Variants in TRIM54 observed in about 807,000 individuals in gnomAD.
The protein encoded by TRIM54 is tripartite motif containing 54.
TRIM54 carries 40 observed loss-of-function variants against 42.0 expected under a neutral mutation model. The observed-to-expected ratio is 0.95, with a 90% CI of 0.74 to 1.24. The LOEUF is 1.24. Among genes scored for constraint, TRIM54 ranks in the 50% most tolerant of loss-of-function variants. TRIM54 has a pLI of 0.00. For synonymous variants in TRIM54, 199 were observed against 194.9 expected, an observed-to-expected ratio of 1.02 and a Z score of -0.17; for missense variants, 485 against 480.3, an observed-to-expected ratio of 1.01 and a Z score of -0.09.
chr2:27,297,913 C>A (rs1346510460), intron 1 of TRIM54, among the ~76,000 whole-genome samples: 2 of 136,928 alleles, frequency 1.5e-5, no homozygotes, highest in Non-Finnish European at 3.1e-5. Flanking sequence ...CCCAGGAGGT[C>A]GAGGCTGCGG....
In TRIM54 at chr2:27,305,557, CCCTCATCCTTGCT is replaced by C; in HGVS notation, c.610-24_610-12del. ...AGCCACCGGGTCTCAGCCACGCCTT[CCCTCATCCTTGCT>C]CCCCATCTTTTAGGACAATAGCCGG... On this transcript the variant is annotated splice_polypyrimidine_tract_variant and intron_variant, in intron 4 of 8. Coordinates refer to ENST00000380075, the MANE Select transcript of TRIM54 (RefSeq NM_187841.3). 1 of 1,595,532 alleles carries C rather than the reference CCCTCATCCTTGCT, an allele frequency of 6.3e-7. No individual in the cohort carries two copies. The highest frequency in any genetic ancestry group is 8.6e-7 in the Non-Finnish European group (1 of 1,166,424).
intron 1 of TRIM54, among the ~76,000 whole-genome samples, chr2:27,294,985 G>A (rs1167798826): frequency 6.6e-6 from 1 of 151,848 alleles, no homozygotes; most frequent in Admixed American, 6.6e-5. Context: ...GCAAATCCTG[G>A]CTCAGTAGAT....
rs1326412760 is a variant in TRIM54 at position 27,299,127 on chromosome 2, G to A, written c.342-118G>A. The stretch of plus-strand genomic sequence containing the variant: ...CTCTGTGGAAGTACTCACCAGTTCA[G>A]CCACAGCACTAGCTGCAGGGGCGGA... On this transcript the variant is annotated intron_variant, in intron 2 of 8. Coordinates refer to ENST00000380075, the MANE Select transcript of TRIM54 (RefSeq NM_187841.3). 4 of 1,189,016 alleles carry A rather than the reference G, an allele frequency of 3.4e-6. No individual in the cohort carries two copies. The African/African-American group carries it at 4.5e-5, about 13-fold the overall frequency. 73.7% of individuals were successfully genotyped at this position (1,189,016 alleles called of 1,614,324 possible).
chr2:27,299,442 A>G, intron 3 of TRIM54, 26 bp downstream of exon 3: 2 of 1,609,604 alleles, frequency 1.2e-6, no homozygotes, highest in South Asian at 1.1e-5. Context: ...GGGAGTAGAT[A>G]TGTGAGAGAT....
chr2:27,282,679 G>T lies in TRIM54; in HGVS notation c.-53G>T. On this transcript the variant is annotated 5_prime_UTR_variant, in exon 1 of 9. Transcript: ENST00000380075. ...CATCTAAGCGAGGAAGGGTCTACAGGCAGTGAGTGAAGGCCAGGAGCAGGG... is the reference window on the plus strand; with the variant it reads ...CATCTAAGCGAGGAAGGGTCTACAGTCAGTGAGTGAAGGCCAGGAGCAGGG... 6.4e-7 allele frequency: 1 copy of T among 1,566,474 alleles called. No homozygotes were observed. Among genetic ancestry groups the T allele is most frequent in the Non-Finnish European group, 8.6e-7 (1 of 1,159,276 alleles).
At chr2:27,300,168 ATTTG>A (rs1364700942) in intron 3 of TRIM54, among the ~76,000 whole-genome samples, 3 of 151,172 alleles carry the variant, frequency 2.0e-5, no homozygotes, top group Admixed American at 6.6e-5. Flanking sequence ...TTATTTATTT[ATTTG>A]TTTATTTATT....
chr2:27,302,684 G>T (rs549780779), intron 3 of TRIM54, among the ~76,000 whole-genome samples: 1 of 151,926 alleles, frequency 6.6e-6, no homozygotes, highest in South Asian at 2.1e-4. Context: ...CCAGCTACTC[G>T]GGAGGCTGAG....
At chr2:27,305,148 A>G in intron 4 of TRIM54, 94 bp downstream of exon 4, 1 of 1,128,760 alleles carries the variant, frequency 8.9e-7, no homozygotes. Flanking sequence ...CCTCTCGCCA[A>G]ACTGGTCTGA....
At chr2:27,300,790 C>T (rs1253797625) in intron 3 of TRIM54, among the ~76,000 whole-genome samples, 9 of 152,032 alleles carry the variant, frequency 5.9e-5, no homozygotes, top group East Asian at 3.9e-4. Context: ...CACTTGAGCC[C>T]GGGAGGTTGA....
intron 3 of TRIM54, among the ~76,000 whole-genome samples, chr2:27,304,332 G>A (rs1407840521): frequency 8.4e-6 from 1 of 118,650 alleles, no homozygotes; most frequent in African/African-American, 2.9e-5. Flanking sequence ...GCTGGAACCT[G>A]TAAACCCAGT....
intron 3 of TRIM54, among the ~76,000 whole-genome samples, chr2:27,303,525 G>T (rs1679097441): frequency 1.3e-5 from 2 of 151,840 alleles, no homozygotes. Flanking sequence ...ACTCCAGCCT[G>T]GGCAACAGGG....
chr2:27,298,542 T>G, intron 1 of TRIM54, 25 bp from the exon 2 acceptor site: 1 of 1,600,040 alleles, frequency 6.2e-7, no homozygotes, highest in Non-Finnish European at 8.6e-7. Flanking sequence ...CCGTGCCTGT[T>G]CTCTCAAGCC....
intron 4 of TRIM54, chr2:27,305,357 C>A: frequency 1.7e-6 from 1 of 588,918 alleles, no homozygotes; most frequent in Non-Finnish European, 3.0e-6. Context: ...TGGAATAATG[C>A]AAATAAAAAC....
At position 27,282,921 on chromosome 2, in the gene TRIM54, G is replaced by C. The variant is rs1195465124; in HGVS notation, c.168+22G>C. ...CCAGGTGGGTGCCAGGGACGGGGCAGGGCCAGGTAAAGCAATGCAGACCTG... is the reference window on the plus strand; with the variant it reads ...CCAGGTGGGTGCCAGGGACGGGGCACGGCCAGGTAAAGCAATGCAGACCTG... On this transcript the variant is annotated intron_variant, in intron 1 of 8. Transcript: ENST00000380075. 1.9e-6 allele frequency: 3 copies of C among 1,597,022 alleles called. No homozygotes were observed. In the African/African-American group the frequency reaches 4.0e-5, roughly 21 times the overall value.
rs1446299205 is a variant in TRIM54 at position 27,305,069 on chromosome 2, G to A, written c.609+15G>A. 1 of 1,608,626 alleles carries A rather than the reference G, an allele frequency of 6.2e-7. No individual in the cohort carries two copies. The highest frequency in any genetic ancestry group is 1.3e-5 in the African/African-American group (1 of 74,816). ...AGACTATCGAGGTGAGCCTGGGCTGGAGGGAGGGAGGAACAGCAACTGGCT... is the reference window on the plus strand; with the variant it reads ...AGACTATCGAGGTGAGCCTGGGCTGAAGGGAGGGAGGAACAGCAACTGGCT... On this transcript the variant is annotated intron_variant, in intron 4 of 8. Transcript: ENST00000380075.
intron 3 of TRIM54, among the ~76,000 whole-genome samples, chr2:27,301,658 A>G (rs1294250121): frequency 6.6e-6 from 1 of 152,052 alleles, no homozygotes; most frequent in African/African-American, 2.4e-5. Flanking sequence ...CCTTACTGCA[A>G]CCTGTTTTAT....
chr2:27,282,817 G>T lies in TRIM54; in HGVS notation c.86G>T (p.Cys29Phe). 1 of 1,614,084 alleles carries T rather than the reference G, an allele frequency of 6.2e-7. No individual in the cohort carries two copies. Residue 29 changes from cysteine to phenylalanine, a missense_variant, in exon 1 of 9, where the codon TGC becomes TTC. Cys to Phe is a radical substitution (Grantham distance 205). Transcript: ENST00000380075. The stretch of plus-strand genomic sequence containing the variant: ...GAGAAGCAGCTCATCTGCCCCATCT[G>T]CCTGGAGATGTTCTCCAAACCAGTG... ...NLEKQLICPI[C>F]LEMFSKPVVI...
chr2:27,298,524 A>G (rs767208648), intron 1 of TRIM54, 43 bp from the exon 2 acceptor site: 3 of 1,566,996 alleles, frequency 1.9e-6, no homozygotes, highest in Non-Finnish European at 2.6e-6. Context: ...GAGTCCCTTC[A>G]TGCCTCCCCG....
chr2:27,305,844 C>T, intron 5 of TRIM54, 27 bp downstream of exon 5: 3 of 1,543,504 alleles, frequency 1.9e-6, no homozygotes, highest in Non-Finnish European at 1.8e-6. Flanking sequence ...GGTGGCAGCG[C>T]TGCACAGTGG....
Sources: allele counts gnomAD v4.1 joint callset (sites outside exome capture counted in the v4.1 genomes callset), GRCh38; gene constraint gnomAD v4.1.1; transcripts MANE v1.5; gene names NCBI Gene and HGNC (gene_info 2026-07-23, HGNC 2026-07-21).